RANBP10: variants seen among roughly 807,000 people sequenced by gnomAD.
The protein encoded by RANBP10 is RAN binding protein 10, also known as ran-binding protein 10.
RANBP10 carries 24 observed loss-of-function variants against 72.8 expected under a neutral mutation model. That is an observed-to-expected ratio of 0.33 (90% CI 0.24 to 0.46). RANBP10 has a LOEUF of 0.46. Ranked by LOEUF, RANBP10 falls within the 20% of genes least tolerant of loss-of-function variation. The probability of loss-of-function intolerance (pLI) is 1.00; values close to 1 mark genes in which losing one functional copy is unlikely to be tolerated. For missense variants in RANBP10, 679 were observed against 817.5 expected (o/e 0.83, Z 2.07); for synonymous variants, 310 against 322.3 (o/e 0.96, Z 0.41).
chr16:67,765,531 AAAAT>A (rs1201299087), intron 3 of RANBP10, among the ~76,000 whole-genome samples: 2 of 152,090 alleles, frequency 1.3e-5, no homozygotes, highest in Admixed American at 6.6e-5. Flanking sequence ...CCATCTCAAA[AAAAT>A]AAATAAATAA....
intron 3 of RANBP10, among the ~76,000 whole-genome samples, chr16:67,757,557 A>C (rs1382962133): frequency 6.6e-6 from 1 of 152,156 alleles, no homozygotes; most frequent in Non-Finnish European, 1.5e-5. Context: ...CTGCTCCACA[A>C]GGGTGGTCAC....
intron 10 of RANBP10, among the ~76,000 whole-genome samples, chr16:67,728,812 G>A (rs1408176904): frequency 6.6e-6 from 1 of 152,226 alleles, no homozygotes; most frequent in Non-Finnish European, 1.5e-5. Flanking sequence ...CCTAATGACT[G>A]GGCCCCATGG....
intron 2 of RANBP10, among the ~76,000 whole-genome samples, chr16:67,791,939 A>G (rs2055035437): frequency 6.6e-6 from 1 of 151,860 alleles, no homozygotes; most frequent in African/African-American, 2.4e-5. Context: ...CCAGCCTTTG[A>G]TAGGCCAAGG....
intron 2 of RANBP10, among the ~76,000 whole-genome samples, chr16:67,786,499 G>GAC (rs2054919812): frequency 6.6e-6 from 1 of 152,142 alleles, no homozygotes; most frequent in Non-Finnish European, 1.5e-5. Context: ...GACTTGAACA[G>GAC]ACATTTCTCC....
chr16:67,770,183 A>G (rs1300874126), intron 3 of RANBP10, among the ~76,000 whole-genome samples: 4 of 152,162 alleles, frequency 2.6e-5, no homozygotes, highest in African/African-American at 9.7e-5. Flanking sequence ...TTTGCACTTG[A>G]CAGGAAATTA....
intron 2 of RANBP10, among the ~76,000 whole-genome samples, chr16:67,801,422 G>T (rs550983330): frequency 2.0e-5 from 3 of 152,246 alleles, no homozygotes; most frequent in Admixed American, 6.5e-5. Flanking sequence ...CTAGGATCAG[G>T]CGAGGACATC....
intron 3 of RANBP10, among the ~76,000 whole-genome samples, chr16:67,754,594 G>A (rs1374762063): frequency 1.3e-5 from 2 of 152,180 alleles, no homozygotes; most frequent in Non-Finnish European, 2.9e-5. Flanking sequence ...CTACACTGCC[G>A]TCTTGAGAAA....
At chr16:67,737,862 C>G in intron 5 of RANBP10, 151 bp downstream of exon 5, 1 of 1,008,754 alleles carries the variant, frequency 9.9e-7, no homozygotes, top group Non-Finnish European at 1.5e-6. Flanking sequence ...CAGCAAGTGC[C>G]CCTCCTGGTA....
At chr16:67,790,888 C>T (rs570102425) in intron 2 of RANBP10, among the ~76,000 whole-genome samples, 1 of 151,184 alleles carries the variant, frequency 6.6e-6, no homozygotes, top group Non-Finnish European at 1.5e-5. Context: ...TTAGTAGAGA[C>T]GGGGTCTCAT....
chr16:67,780,540 G>A lies in RANBP10; in HGVS notation c.348-8454C>T, dbSNP rs72790361. On this transcript the variant is annotated intron_variant, in intron 2 of 13. Coordinates refer to ENST00000317506, the MANE Select transcript of RANBP10 (RefSeq NM_020850.3). ...AGGCGGGAAGATCATTGGAAGCCAG[G>A]AGTGCAAGACCAGCCTAGACAACAT... 3.3e-3 allele frequency among the ~76,000 whole-genome samples: 508 copies of A among 152,310 alleles called. 1 individual carries two copies. The highest frequency in any genetic ancestry group is 5.0e-3 in the Non-Finnish European group (340 of 68,034).
chr16:67,806,299 T>C lies in RANBP10; in HGVS notation c.235+3A>G, dbSNP rs757005481. ...AATTCCCCCCAGCCTGACGGGCCGATACCTTTGTAGTGGACGCGGAGGTTG... is the reference window on the plus strand; with the variant it reads ...AATTCCCCCCAGCCTGACGGGCCGACACCTTTGTAGTGGACGCGGAGGTTG... On this transcript the variant is annotated splice_donor_region_variant and intron_variant, in intron 1 of 13. Transcript: ENST00000317506. The C allele has an allele frequency of 4.4e-6, 7 of 1,608,618 alleles. No individual in the cohort carries two copies. Among genetic ancestry groups the C allele is most frequent in the South Asian group, 1.1e-5 (1 of 90,330 alleles).
At chr16:67,772,832 C>G (rs927729818) in intron 2 of RANBP10, among the ~76,000 whole-genome samples, 8 of 152,294 alleles carry the variant, frequency 5.3e-5, no homozygotes, top group African/African-American at 1.7e-4. Flanking sequence ...ATGTGGGTGT[C>G]AGCTTCCTCT....
At chr16:67,760,276 C>T (rs1395375808) in intron 3 of RANBP10, among the ~76,000 whole-genome samples, 1 of 152,168 alleles carries the variant, frequency 6.6e-6, no homozygotes, top group Admixed American at 6.5e-5. Context: ...TATTTCTTTT[C>T]ATTGCTTGCC....
chr16:67,792,283 C>T (rs760371735), intron 2 of RANBP10, among the ~76,000 whole-genome samples: 1 of 151,746 alleles, frequency 6.6e-6, no homozygotes, highest in African/African-American at 2.4e-5. Flanking sequence ...GACCAGGCAC[C>T]GTGGCTCACG....
At chr16:67,772,317 T>C (rs763015572) in intron 2 of RANBP10, among the ~76,000 whole-genome samples, 1 of 152,150 alleles carries the variant, frequency 6.6e-6, no homozygotes. Context: ...GTGTGTTGTG[T>C]CACTATGAAC....
At chr16:67,784,392 C>T (rs191649920) in intron 2 of RANBP10, among the ~76,000 whole-genome samples, 1 of 152,236 alleles carries the variant, frequency 6.6e-6, no homozygotes, top group East Asian at 1.9e-4. Context: ...CCTGGTGGCT[C>T]ACGCCTGTAA....
intron 2 of RANBP10, among the ~76,000 whole-genome samples, chr16:67,796,084 T>C (rs2055129191): frequency 1.3e-5 from 2 of 151,708 alleles, no homozygotes; most frequent in Admixed American, 6.6e-5. Flanking sequence ...GCCCAGCTAA[T>C]ATTTTTTACT....
In RANBP10 at chr16:67,731,356, G is replaced by A. The variant is rs372414991; in HGVS notation, c.889+116C>T. ...GAACATGGCCTCGAGCTGCAAGCTG[G>A]TCATGAGGACCAGAGCTGAATGGAC... On this transcript the variant is annotated intron_variant, in intron 7 of 13. Coordinates refer to ENST00000317506, the MANE Select transcript of RANBP10 (RefSeq NM_020850.3). The A allele has an allele frequency of 1.9e-3, 1,508 of 809,138 alleles. 2 individuals carry two copies. The highest frequency in any genetic ancestry group is 2.7e-3 in the Non-Finnish European group (1,322 of 485,468). 50.1% of individuals were successfully genotyped at this position (809,138 alleles called of 1,614,324 possible). A position where few individuals can be genotyped will look rare whatever the true frequency, so the allele number is the denominator to read the frequency against.
At chr16:67,794,044 T>A (rs1719709686) in intron 2 of RANBP10, among the ~76,000 whole-genome samples, 1 of 152,024 alleles carries the variant, frequency 6.6e-6, no homozygotes, top group Admixed American at 6.6e-5. Flanking sequence ...CACACCCCGC[T>A]CATTTTTAAA....
Sources: allele counts gnomAD v4.1 joint callset (sites outside exome capture counted in the v4.1 genomes callset), GRCh38; gene constraint gnomAD v4.1.1; transcripts MANE v1.5; gene names NCBI Gene and HGNC (gene_info 2026-07-23, HGNC 2026-07-21).